LIG1: variants seen among roughly 807,000 people sequenced by gnomAD.
LIG1 encodes the protein DNA ligase 1, also known as ligase I, DNA, ATP-dependent.
In LIG1, 70 loss-of-function variants were observed where a neutral mutation model predicts 115.7. The ratio of observed to expected loss-of-function variants is 0.60; its 90% CI spans 0.50 to 0.74. LIG1 has a LOEUF of 0.74. Among genes scored for constraint, LIG1 ranks in the 30% least tolerant of loss-of-function variants. The pLI is 0.00. For synonymous variants in LIG1, 487 were observed against 495.3 expected (o/e 0.98, Z 0.22); for missense variants, 1,115 against 1,225.6 (o/e 0.91, Z 1.35).
At chr19:48,165,141 C>T (rs1419121385) in intron 2 of LIG1, among the ~76,000 whole-genome samples, 4 of 152,146 alleles carry the variant, frequency 2.6e-5, no homozygotes, top group African/African-American at 9.7e-5. Context: ...TGCCTATAAT[C>T]CCAGCTACTC....
chr19:48,133,129 G>A lies in LIG1; in HGVS notation c.1610-32C>T, dbSNP rs751006113. The stretch of plus-strand genomic sequence containing the variant: ...AAGGAGGAGAGTGAGTTAGAGGAGA[G>A]GGAAGGCAATGGATTAGAGGGGGAA... On this transcript the variant is annotated intron_variant, in intron 17 of 27. Coordinates refer to ENST00000263274, the MANE Select transcript of LIG1 (RefSeq NM_000234.3). The A allele has an allele frequency of 5.0e-6, 7 of 1,412,022 alleles. No homozygotes were observed. In the East Asian group the frequency reaches 1.4e-4, roughly 28 times the overall value. 87.5% of individuals were successfully genotyped at this position (1,412,022 alleles called of 1,614,324 possible).
At chr19:48,157,531 C>T (rs968671617) in intron 4 of LIG1, among the ~76,000 whole-genome samples, 1 of 151,950 alleles carries the variant, frequency 6.6e-6, no homozygotes, top group Non-Finnish European at 1.5e-5. Flanking sequence ...TACACCTCTT[C>T]GTATAGTTTT....
chr19:48,135,903 C>T (rs527685633), intron 15 of LIG1, 124 bp from the exon 16 acceptor site: 1 of 938,322 alleles, frequency 1.1e-6, no homozygotes. Flanking sequence ...CCCCTCCCCC[C>T]CACCCAGGAG....
chr19:48,157,046 C>A lies in LIG1; in HGVS notation c.338G>T (p.Ser113Ile), dbSNP rs1423668995. Residue 113 changes from serine to isoleucine, a missense_variant, in exon 5 of 28, where the codon AGT (serine) becomes ATT (isoleucine). Physicochemically the swap from Ser to Ile is moderately radical, Grantham distance 142. Transcript: ENST00000263274. Reference sequence around the variant, plus strand: ...ACGCTTCGGAATCCCTGATGGGGAACTGTCCATGGGAGAGGTGTCAGAGAG... The same window carrying A: ...ACGCTTCGGAATCCCTGATGGGGAAATGTCCATGGGAGAGGTGTCAGAGAG... ...ASLSDTSPMD[S>I]SPSGIPKRRT... is the part of the protein sequence containing the mutation. 1 of 1,601,562 alleles carries A rather than the reference C, an allele frequency of 6.2e-7. No individual in the cohort carries two copies.
intron 2 of LIG1, among the ~76,000 whole-genome samples, chr19:48,162,601 T>C (rs1021428370): frequency 6.6e-6 from 1 of 151,794 alleles, no homozygotes; most frequent in Non-Finnish European, 1.5e-5. Flanking sequence ...GCCCAGCTAA[T>C]TTTTTGTATT....
chr19:48,122,640 C>T lies in LIG1; in HGVS notation c.2232+294G>A, dbSNP rs1480359497. ...ATTCATGTCCTGGCTTAATTCCTGC[C>T]CAAGAGCCTGGCCCGACACGGGCGG... On this transcript the variant is annotated intron_variant, in intron 23 of 27. Coordinates refer to ENST00000263274, the MANE Select transcript of LIG1 (RefSeq NM_000234.3). This position sits in a 1 kb window ranked among gnomAD's most constrained non-coding sequence, Gnocchi z 4.3. Among the ~76,000 whole-genome samples, 3 of 152,234 alleles carry T rather than the reference C, an allele frequency of 2.0e-5. No individual in the cohort carries two copies. Among genetic ancestry groups the T allele is most frequent in the Non-Finnish European group, 4.4e-5 (3 of 68,046 alleles).
At chr19:48,133,275 C>T (rs2034162924) in intron 17 of LIG1, 178 bp from the exon 18 acceptor site, 2 of 614,202 alleles carry the variant, frequency 3.3e-6, no homozygotes, top group Admixed American at 2.7e-5. Flanking sequence ...AGCCCCCGGC[C>T]TTCCTTCCAG....
Position 48,161,300 on chromosome 19 carries a change from C to T in LIG1, c.243+72G>A, listed in dbSNP as rs1045873006. 6 of 1,591,524 alleles carry T rather than the reference C, an allele frequency of 3.8e-6. No homozygotes were observed. In the African/African-American group the frequency reaches 6.7e-5, roughly 18 times the overall value. ...TCTCCAGAATTCTCCTGAACAGCTG[C>T]TGCACTCTGTTCCAAAGGTTAATGG... On this transcript the variant is annotated intron_variant, in intron 4 of 27. Coordinates refer to ENST00000263274, the MANE Select transcript of LIG1 (RefSeq NM_000234.3).
chr19:48,158,748 T>C (rs1235524506), intron 4 of LIG1, among the ~76,000 whole-genome samples: 2 of 152,222 alleles, frequency 1.3e-5, no homozygotes, highest in Non-Finnish European at 2.9e-5. Context: ...TGCCACGTGG[T>C]ACCTGATCAG....
Position 48,117,759 on chromosome 19 carries a change from C to A in LIG1, c.2462G>T (p.Arg821Leu). 1 of 1,613,004 alleles carries A rather than the reference C, an allele frequency of 6.2e-7. No homozygotes were observed. The highest frequency in any genetic ancestry group is 8.5e-7 in the Non-Finnish European group (1 of 1,179,746). The change falls in exon 26 of 28, where the codon CGC (arginine) becomes CTC (leucine). Residue 821 changes from arginine to leucine, a missense_variant. Coordinates refer to ENST00000263274, the MANE Select transcript of LIG1 (RefSeq NM_000234.3). ...AGCGCCATCTATCCGCACGTAAGGG[C>A]GTGGGCTGGGCAGCACCAGCGCCTG... ...SLKALVLPSP[R>L]PYVRIDGAVI...
rs201709768 is a variant in LIG1, at chr19:48,162,309, A to G, written c.60T>C (p.Pro20=). The change falls in exon 3 of 28, where the codon CCT becomes CCC. Residue 20 remains proline, a synonymous_variant. Transcript: ENST00000263274. The part of the protein sequence containing the change: ...HPKKEGKAKK[P]EKEASNSSRE... ...TGCTGCTATTGGATGCCTCCTTCTC[A>G]GGCTTCTTTGCTTTACCCTCTTTCT... The G allele has an allele frequency of 4.8e-5, 77 of 1,614,064 alleles. No homozygotes were observed. The highest frequency in any genetic ancestry group is 1.6e-4 in the African/African-American group (12 of 75,006).
intron 1 of LIG1, chr19:48,165,849 A>G (rs756881797): frequency 3.6e-6 from 2 of 556,964 alleles, no homozygotes; most frequent in South Asian, 3.9e-5. Flanking sequence ...CTCCTTTACC[A>G]TAAGAAGACT....
At chr19:48,138,281 C>T (rs887663342) in intron 12 of LIG1, among the ~76,000 whole-genome samples, 2 of 152,178 alleles carry the variant, frequency 1.3e-5, no homozygotes, top group Non-Finnish European at 2.9e-5. Context: ...CCCTTGTCAC[C>T]AGATACTGTG....
chr19:48,150,981 G>A (rs1470095156), intron 7 of LIG1, among the ~76,000 whole-genome samples: 1 of 152,034 alleles, frequency 6.6e-6, no homozygotes, highest in Non-Finnish European at 1.5e-5. Flanking sequence ...GATTACAGGT[G>A]TGAGGCACCG....
chr19:48,170,289 C>T lies in LIG1; in HGVS notation c.-106G>A, dbSNP rs1413704454. On this transcript the variant is annotated 5_prime_UTR_variant, in exon 1 of 28. Coordinates refer to ENST00000263274, the MANE Select transcript of LIG1 (RefSeq NM_000234.3). ...TGCCCGGGCAACACACTCAGATCCGCCAGGCGCGCCTCTGCAGTCCCAAGT... is the reference window on the plus strand; with the variant it reads ...TGCCCGGGCAACACACTCAGATCCGTCAGGCGCGCCTCTGCAGTCCCAAGT... 3 of 454,212 alleles carry T rather than the reference C, an allele frequency of 6.6e-6. No individual in the cohort carries two copies. In the East Asian group the frequency reaches 2.1e-4, roughly 32 times the overall value. The allele number at this position is 454,212 out of a possible 1,614,324, so 28.1% of individuals were successfully genotyped here.
intron 17 of LIG1, 59 bp from the exon 18 acceptor site, chr19:48,133,156 A>G: frequency 9.0e-7 from 1 of 1,113,858 alleles, no homozygotes. Context: ...GAGGGGGAAC[A>G]TGGAGAGGAG....
Position 48,119,166 on chromosome 19 carries a change from C to T in LIG1, c.2410G>A (p.Glu804Lys), listed in dbSNP as rs2033086118. The T allele has an allele frequency of 6.3e-7, 1 of 1,584,654 alleles. No homozygotes were observed. Among genetic ancestry groups the T allele is most frequent in the Non-Finnish European group, 8.6e-7 (1 of 1,165,592 alleles). ...AGGCTCTGGTGATGCTCCTCCAGCT[C>T]CTCATCACTGAAGCCAGTTCCAAGC... ...CKLGTGFSDEELEEHHQSLKA... is the reference protein window; with the variant it reads ...CKLGTGFSDEKLEEHHQSLKA... The change falls in exon 25 of 28, where the codon GAG (glutamate) becomes AAG (lysine). Residue 804 changes from glutamate (E) to lysine (K), a missense_variant. Glu to Lys is a moderately conservative substitution (Grantham distance 56). Transcript: ENST00000263274.
chr19:48,141,935 G>A (rs1017842763), intron 11 of LIG1, among the ~76,000 whole-genome samples: 2 of 152,140 alleles, frequency 1.3e-5, no homozygotes, highest in Non-Finnish European at 2.9e-5. Flanking sequence ...AGGTCTTTGC[G>A]GATGTACCTG....
In LIG1 at chr19:48,125,598, C is replaced by T. The variant is rs545395829; in HGVS notation, c.2004+1679G>A. 7.9e-5 allele frequency among the ~76,000 whole-genome samples: 12 copies of T among 152,276 alleles called. No individual in the cohort carries two copies. In the East Asian group the frequency reaches 1.2e-3, roughly 15 times the overall value. On this transcript the variant is annotated intron_variant, in intron 21 of 27. Transcript: ENST00000263274. ...AGGCAAGTCACGGAACAAATGCACG[C>T]GGCCAACAAACCTGAAAAGATGATT...
Sources: allele counts gnomAD v4.1 joint callset (sites outside exome capture counted in the v4.1 genomes callset), GRCh38; gene constraint gnomAD v4.1.1; non-coding constraint Gnocchi (gnomAD v3.1); transcripts MANE v1.5; gene names NCBI Gene and HGNC (gene_info 2026-07-23, HGNC 2026-07-21).